UNK: variants seen among roughly 807,000 people sequenced by gnomAD.
The protein encoded by UNK is unk zinc finger, also known as RING finger protein unkempt homolog.
A neutral mutation model predicts 97.6 loss-of-function variants in UNK; 32 were observed. The ratio of observed to expected loss-of-function variants is 0.33; its 90% CI spans 0.25 to 0.44. UNK has a LOEUF of 0.44. UNK is among the 20% of genes least tolerant of loss of function. The pLI is 1.00. For missense variants in UNK, 771 were observed against 1,098.4 expected, an observed-to-expected ratio of 0.70 and a Z score of 4.21; for synonymous variants, 441 against 461.2, an observed-to-expected ratio of 0.96 and a Z score of 0.56.
At chr17:75,814,766 G>A (rs778264317) in intron 6 of UNK, among the ~76,000 whole-genome samples, 3 of 152,220 alleles carry the variant, frequency 2.0e-5, no homozygotes, top group Admixed American at 6.5e-5. Flanking sequence ...CAGCAGAGTG[G>A]AAGGTTACTT....
intron 4 of UNK, 83 bp from the exon 5 acceptor site, chr17:75,812,994 CT>C: frequency 1.4e-6 from 2 of 1,469,120 alleles, no homozygotes; most frequent in Non-Finnish European, 1.8e-6. Flanking sequence ...CCAGTGGCTT[CT>C]CCTTCCCTCC....
chr17:75,793,410 T>C (rs1485207727), intron 1 of UNK: 5 of 985,186 alleles, frequency 5.1e-6, no homozygotes, highest in South Asian at 9.4e-5. Flanking sequence ...CTCTATAAAA[T>C]CCCTCAACTT....
chr17:75,787,435 T>C (rs1380124841), intron 1 of UNK, among the ~76,000 whole-genome samples: 1 of 151,688 alleles, frequency 6.6e-6, no homozygotes, highest in Non-Finnish European at 1.5e-5. Flanking sequence ...CGAACTCCTG[T>C]GATCGAGCAG....
chr17:75,797,454 C>T (rs1164979073), intron 1 of UNK, among the ~76,000 whole-genome samples: 2 of 152,214 alleles, frequency 1.3e-5, no homozygotes, highest in Non-Finnish European at 2.9e-5. Flanking sequence ...AGGCTGGTCT[C>T]GAACTCCTGA....
intron 1 of UNK, among the ~76,000 whole-genome samples, chr17:75,804,756 G>A (rs540321453): frequency 4.0e-5 from 6 of 151,036 alleles, no homozygotes; most frequent in Non-Finnish European, 5.9e-5. Flanking sequence ...AGGAAGAATC[G>A]CTTGAACCTG....
chr17:75,785,705 G>A (rs955613419), intron 1 of UNK: 17 of 152,084 alleles, frequency 1.1e-4, no homozygotes, highest in African/African-American at 4.1e-4. Context: ...CTTCCTGGAA[G>A]TCTTGCATCT....
chr17:75,811,650 C>T (rs966768856), intron 2 of UNK, among the ~76,000 whole-genome samples: 1 of 152,190 alleles, frequency 6.6e-6, no homozygotes, highest in Non-Finnish European at 1.5e-5. Context: ...CTCATCATTG[C>T]CTTCTTCCTA....
intron 1 of UNK, among the ~76,000 whole-genome samples, chr17:75,800,314 A>C (rs1599367294): frequency 6.6e-6 from 1 of 150,690 alleles, no homozygotes; most frequent in Non-Finnish European, 1.5e-5. Context: ...CAAGCGATCC[A>C]CCCGCCTTGG....
At chr17:75,809,738 C>T in intron 1 of UNK, 22 bp from the exon 2 acceptor site, 1 of 1,582,576 alleles carries the variant, frequency 6.3e-7, no homozygotes, top group Non-Finnish European at 8.6e-7. Flanking sequence ...CCGGCCTGCC[C>T]CACGCGGGGC....
intron 1 of UNK, chr17:75,809,113 C>T (rs951705672): frequency 4.3e-4 from 2 of 4,694 alleles, no homozygotes; most frequent in South Asian, 6.3e-3. Flanking sequence ...GGCGGGGGGG[C>T]GGGTATCTTC....
chr17:75,798,315 C>A (rs1159680995), intron 1 of UNK, among the ~76,000 whole-genome samples: 2 of 151,896 alleles, frequency 1.3e-5, no homozygotes, highest in Non-Finnish European at 1.5e-5. Flanking sequence ...GTGATCCCCC[C>A]ACCTCAGCCT....
chr17:75,808,660 T>C (rs906163924), intron 1 of UNK, among the ~76,000 whole-genome samples: 6 of 152,206 alleles, frequency 3.9e-5, no homozygotes, highest in African/African-American at 1.4e-4. Flanking sequence ...TTCATGCTTC[T>C]TTCTGCAGTC....
chr17:75,808,480 G>A lies in UNK; in HGVS notation c.105-1280G>A, dbSNP rs139245550. 3.8e-3 allele frequency among the ~76,000 whole-genome samples: 582 copies of A among 152,150 alleles called. 4 individuals are homozygous for A. The Middle Eastern group carries it at 0.048, about 12-fold the overall frequency. ...TTCCACGCACATCCACGAAGGTACT[G>A]GGAGCTCTTAGAACCAGACATACTC... is the stretch of plus-strand genomic sequence containing the variant. On this transcript the variant is annotated intron_variant, in intron 1 of 15. Transcript: ENST00000589666.
intron 1 of UNK, among the ~76,000 whole-genome samples, chr17:75,805,606 G>A (rs1048700557): frequency 6.6e-6 from 1 of 151,242 alleles, no homozygotes; most frequent in African/African-American, 2.4e-5. Flanking sequence ...TGACCAGCCC[G>A]GGTAACATAG....
Position 75,818,662 on chromosome 17 carries a change from C to T in UNK, c.1392C>T (p.Pro464=), listed in dbSNP as rs376529764. ...QPKQDMLGIL[P]AGSPLTSSIS... is the part of the protein sequence containing the mutation. ...TGCAGGACATGCTGGGCATCCTCCCCGCAGGCAGCCCCCTGACCTCAAGCA... is the reference window on the plus strand; with the variant it reads ...TGCAGGACATGCTGGGCATCCTCCCTGCAGGCAGCCCCCTGACCTCAAGCA... Residue 464 remains proline, a synonymous_variant, in exon 11 of 16, where the codon CCC becomes CCT. Coordinates refer to ENST00000589666, the MANE Select transcript of UNK (RefSeq NM_001080419.3). The surrounding 1 kb of genome is among the most constrained non-coding windows in gnomAD (Gnocchi z 5.1). 90 of 1,598,796 alleles carry T rather than the reference C, an allele frequency of 5.6e-5. No homozygotes were observed. Among genetic ancestry groups the T allele is most frequent in the Admixed American group, 3.0e-4 (17 of 57,418 alleles).
chr17:75,825,523 TTG>T lies in UNK; in HGVS notation c.*1110_*1111del. The stretch of plus-strand genomic sequence containing the variant: ...TGTGTGTGTGCCTGTCCAGTGTATA[TTG>T]TGTCTTAGCTTCCATTTTAAAAATT... On this transcript the variant is annotated 3_prime_UTR_variant, in exon 16 of 16. Coordinates refer to ENST00000589666, the MANE Select transcript of UNK (RefSeq NM_001080419.3). This position sits in a 1 kb window ranked among gnomAD's most constrained non-coding sequence, Gnocchi z 4.4. 1 of 152,606 alleles carries T rather than the reference TTG, an allele frequency of 6.6e-6. No homozygotes were observed. Among genetic ancestry groups the T allele is most frequent in the Middle Eastern group, 3.4e-3 (1 of 294 alleles). 9.5% of individuals were successfully genotyped at this position (152,606 alleles called of 1,614,324 possible). A position where few individuals can be genotyped will look rare whatever the true frequency, so the allele number is the denominator to read the frequency against.
At chr17:75,800,705 C>G (rs1192696492) in intron 1 of UNK, among the ~76,000 whole-genome samples, 3 of 151,420 alleles carry the variant, frequency 2.0e-5, no homozygotes, top group Non-Finnish European at 4.4e-5. Flanking sequence ...CCACTGCACT[C>G]CAGCCTGGGT....
rs2062031197 is a variant in UNK, at chr17:75,817,872, C to T, written c.1306-231C>T. ...TCCCTAACTGGGCCTGGAGAGATAC[C>T]TTCTGGGCTTACATGAGGCCTAGTG... is the stretch of plus-strand genomic sequence containing the variant. On this transcript the variant is annotated intron_variant, in intron 9 of 15. Coordinates refer to ENST00000589666, the MANE Select transcript of UNK (RefSeq NM_001080419.3). This position sits in a 1 kb window ranked among gnomAD's most constrained non-coding sequence, Gnocchi z 5.8. 6.6e-6 allele frequency among the ~76,000 whole-genome samples: 1 copy of T among 152,012 alleles called. No individual in the cohort carries two copies. The highest frequency in any genetic ancestry group is 1.5e-5 in the Non-Finnish European group (1 of 67,972).
At chr17:75,795,240 A>G (rs1395609246) in intron 1 of UNK, among the ~76,000 whole-genome samples, 1 of 152,160 alleles carries the variant, frequency 6.6e-6, no homozygotes, top group East Asian at 1.9e-4. Context: ...GTTTAAACAT[A>G]TTACTAAAGG....
Sources: allele counts gnomAD v4.1 joint callset (sites outside exome capture counted in the v4.1 genomes callset), GRCh38; gene constraint gnomAD v4.1.1; non-coding constraint Gnocchi (gnomAD v3.1); transcripts MANE v1.5; gene names NCBI Gene and HGNC (gene_info 2026-07-23, HGNC 2026-07-21).